PIWIL3: variants seen among roughly 807,000 people sequenced by gnomAD.
The protein encoded by PIWIL3 is piwi-like protein 3.
In PIWIL3, 101 loss-of-function variants were observed where a neutral mutation model predicts 109.7. That is an observed-to-expected ratio of 0.92 (90% CI 0.78 to 1.09). The LOEUF is 1.09. Among genes scored for constraint, PIWIL3 ranks in the 50% least tolerant of loss-of-function variants. The probability of loss-of-function intolerance (pLI) is 0.00; values close to 1 mark genes in which losing one functional copy is unlikely to be tolerated. For missense variants in PIWIL3, 1,031 were observed against 1,072.6 expected (o/e 0.96, Z 0.54); for synonymous variants, 373 against 376.4 (o/e 0.99, Z 0.10).
At chr22:24,767,004 A>T (rs1261394602) in intron 1 of PIWIL3, among the ~76,000 whole-genome samples, 1 of 151,742 alleles carries the variant, frequency 6.6e-6, no homozygotes, top group Non-Finnish European at 1.5e-5. Flanking sequence ...ATGGTGGTGC[A>T]CACCTGTAGT....
At chr22:24,771,730 C>T (rs1431140737) in intron 1 of PIWIL3, among the ~76,000 whole-genome samples, 1 of 134,294 alleles carries the variant, frequency 7.4e-6, no homozygotes, top group Non-Finnish European at 1.6e-5. Flanking sequence ...CTATTTCTCT[C>T]TCTTGCCCTC....
At chr22:24,765,924 G>C (rs6004270) in intron 1 of PIWIL3, among the ~76,000 whole-genome samples, 51,416 of 150,846 alleles carry the variant, frequency 0.34, 8,951 homozygotes, top group East Asian at 0.55. Context: ...GGCATTGTTA[G>C]TTTAGTGTGT....
At chr22:24,760,988 T>C (rs998629139) in intron 2 of PIWIL3, among the ~76,000 whole-genome samples, 1 of 151,882 alleles carries the variant, frequency 6.6e-6, no homozygotes, top group Non-Finnish European at 1.5e-5. Context: ...GTGGTTGTTT[T>C]TGAGAAGGGC....
Position 24,758,022 on chromosome 22 carries a change from G to A in PIWIL3, c.241C>T (p.Pro81Ser). 1 of 1,611,978 alleles carries A rather than the reference G, an allele frequency of 6.2e-7. No homozygotes were observed. The highest frequency in any genetic ancestry group is 1.1e-5 in the South Asian group (1 of 90,576). ...GGCGCTGTATGCAACCCAGCCTCAG[G>A]TCCAGGTTCCTTCACCCCTGCATAA... ...AQSQGVKEPG[P>S]EAGLHTAPLQ... Residue 81 changes from proline to serine, a missense_variant, in exon 4 of 21, where the codon CCT becomes TCT. Transcript: ENST00000616349.
intron 1 of PIWIL3, among the ~76,000 whole-genome samples, chr22:24,771,028 A>G (rs923975038): frequency 6.6e-6 from 1 of 152,008 alleles, no homozygotes; most frequent in Non-Finnish European, 1.5e-5. Context: ...GAGAAGACAC[A>G]TAGACCCTGT....
chr22:24,740,462 G>C (rs1923936046), intron 12 of PIWIL3, among the ~76,000 whole-genome samples: 1 of 149,324 alleles, frequency 6.7e-6, no homozygotes, highest in South Asian at 2.1e-4. Flanking sequence ...GCAGGAGAAT[G>C]GCATGAACCC....
chr22:24,768,433 T>C lies in PIWIL3; in HGVS notation c.-23+5889A>G, dbSNP rs183002473. The stretch of plus-strand genomic sequence containing the variant: ...CATGCCCGGCTAATTTTTGTATTTT[T>C]AGTAGGGACAGGGTTTCACCATCTT... On this transcript the variant is annotated intron_variant, in intron 1 of 20. Coordinates refer to ENST00000616349, the MANE Select transcript of PIWIL3 (RefSeq NM_001255975.1). Among the ~76,000 whole-genome samples the C allele has an allele frequency of 5.1e-3, 780 of 152,226 alleles. 4 individuals carry two copies. Among genetic ancestry groups the C allele is most frequent in the Non-Finnish European group, 7.2e-3 (488 of 68,024 alleles).
intron 12 of PIWIL3, among the ~76,000 whole-genome samples, chr22:24,736,483 C>T (rs1177574734): frequency 6.6e-6 from 1 of 152,130 alleles, no homozygotes; most frequent in African/African-American, 2.4e-5. Flanking sequence ...TTAGTGGGAA[C>T]TTTATTCCAA....
At chr22:24,746,119 C>A (rs1450075885) in intron 12 of PIWIL3, among the ~76,000 whole-genome samples, 1 of 151,998 alleles carries the variant, frequency 6.6e-6, no homozygotes, top group Non-Finnish European at 1.5e-5. Context: ...TTACTAAAAC[C>A]AAAGACACAT....
chr22:24,763,148 CTTTT>C (rs11288934), intron 1 of PIWIL3, among the ~76,000 whole-genome samples: 2 of 141,672 alleles, frequency 1.4e-5, no homozygotes. Flanking sequence ...ACTTTTTTTT[CTTTT>C]TTTTTTTTTT....
intron 19 of PIWIL3, among the ~76,000 whole-genome samples, chr22:24,720,278 T>G (rs1261312919): frequency 9.7e-5 from 14 of 144,878 alleles, no homozygotes; most frequent in South Asian, 9.3e-4. Context: ...TTTTTTTTTT[T>G]TTTTTTTTTT....
At chr22:24,764,670 T>TGTGTGTGTGTGTGTGTGTG in intron 1 of PIWIL3, among the ~76,000 whole-genome samples, 2 of 56,336 alleles carry the variant, frequency 3.6e-5, no homozygotes, top group African/African-American at 1.6e-4. Context: ...GTGTGTGTGT[T>TGTGTGTGTGTGTGTGTGTG]GAGACAGGAT....
At position 24,751,494 on chromosome 22, in the gene PIWIL3, T is replaced by C. The variant is rs185499718; in HGVS notation, c.982A>G (p.Asn328Asp). 5.0e-6 allele frequency: 8 copies of C among 1,609,966 alleles called. No individual in the cohort carries two copies. The East Asian group carries it at 1.1e-4, about 22-fold the overall frequency. The change falls in exon 9 of 21, where the codon AAC becomes GAC. Residue 328 changes from asparagine (N) to aspartate (D), a missense_variant. Coordinates refer to ENST00000616349, the MANE Select transcript of PIWIL3 (RefSeq NM_001255975.1). ...TCATCTACTCTGTAGGTTTTGTTGTTGTATCTGTGGAATAATTACAATATG... is the reference window on the plus strand; with the variant it reads ...TCATCTACTCTGTAGGTTTTGTTGTCGTATCTGTGGAATAATTACAATATG... ...LIGSIVLTKY[N>D]NKTYRVDDID...
At chr22:24,740,441 G>A (rs1470902778) in intron 12 of PIWIL3, among the ~76,000 whole-genome samples, 1 of 150,930 alleles carries the variant, frequency 6.6e-6, no homozygotes, top group Non-Finnish European at 1.5e-5. Flanking sequence ...CCCGTTGCTT[G>A]GGAGGCTGAG....
At chr22:24,728,767 A>C (rs1335696318) in intron 14 of PIWIL3, among the ~76,000 whole-genome samples, 1 of 152,232 alleles carries the variant, frequency 6.6e-6, no homozygotes. Flanking sequence ...AGCCTGCAAT[A>C]TCATTTCCAT....
chr22:24,734,017 A>G, intron 14 of PIWIL3, 67 bp downstream of exon 14: 3 of 1,519,618 alleles, frequency 2.0e-6, no homozygotes, highest in East Asian at 4.7e-5. Flanking sequence ...TTTGAATTCT[A>G]AAATACTTAT....
At chr22:24,734,828 T>A (rs1923564392) in intron 13 of PIWIL3, among the ~76,000 whole-genome samples, 1 of 151,484 alleles carries the variant, frequency 6.6e-6, no homozygotes, top group Non-Finnish European at 1.5e-5. Context: ...AACTTTTTTT[T>A]TTTTTTTTAG....
intron 12 of PIWIL3, among the ~76,000 whole-genome samples, chr22:24,737,066 G>T (rs962443296): frequency 6.6e-6 from 1 of 152,184 alleles, no homozygotes; most frequent in African/African-American, 2.4e-5. Context: ...ATAAACTAGG[G>T]GTGGAGGGGT....
In PIWIL3 at chr22:24,754,853, A is replaced by G. The variant is rs1422371990; in HGVS notation, c.704T>C (p.Leu235Pro). 1 of 1,612,240 alleles carries G rather than the reference A, an allele frequency of 6.2e-7. No homozygotes were observed. The highest frequency in any genetic ancestry group is 8.5e-7 in the Non-Finnish European group (1 of 1,178,480). Residue 235 changes from leucine (L) to proline (P), a missense_variant, in exon 7 of 21, where the codon CTG (leucine) becomes CCG (proline). Transcript: ENST00000616349. ...GCGACCAACTTGTTCAAAATCCAGC[A>G]GCTTGAAAGTTCTGGAAATGGAAAG... is the stretch of plus-strand genomic sequence containing the variant. ...YNILFRRTFK[L>P]LDFEQVGRNY...
Sources: gnomAD v4.1 joint callset for allele counts (sites outside exome capture counted in the v4.1 genomes callset) on GRCh38, gnomAD v4.1.1 for gene constraint, MANE v1.5 for transcripts, NCBI Gene and HGNC (gene_info 2026-07-23, HGNC 2026-07-21) for gene names.